Variants in SPTB observed in about 807,000 individuals in gnomAD.
The protein encoded by SPTB is spectrin beta chain, erythrocytic.
SPTB carries 45 observed loss-of-function variants against 256.2 expected under a neutral mutation model. The ratio of observed to expected loss-of-function variants is 0.18; its 90% CI spans 0.14 to 0.23. The LOEUF (loss-of-function observed/expected upper bound fraction) is 0.23. Ranked by LOEUF, SPTB falls within the 10% of genes least tolerant of loss-of-function variation. SPTB has a pLI of 1.00. For missense variants in SPTB, 2,715 were observed against 3,040.4 expected (o/e 0.89, Z 2.52); for synonymous variants, 1,231 against 1,243.1 (o/e 0.99, Z 0.21).
At chr14:64,865,762 T>C (rs2139812188) in intron 1 of SPTB, among the ~76,000 whole-genome samples, 1 of 152,316 alleles carries the variant, frequency 6.6e-6, no homozygotes, top group Non-Finnish European at 1.5e-5. Context: ...CTCACGGGTA[T>C]AGGTCTCTGC....
rs373540763 is a variant in SPTB, at chr14:64,753,614, A to G, written c.6525T>C (p.His2175=). ...EPATLPAPRD[H]GQSVQMEGYL... ...AGCCTTCCATCTGCACACTCTGCCC[A>G]TGGTCCCGCGGGGCCGGCAGCGTTG... The change falls in exon 33 of 36, where the codon CAT becomes CAC. Residue 2175 remains histidine, a synonymous_variant. Coordinates refer to ENST00000644917, the MANE Select transcript of SPTB (RefSeq NM_001355436.2). 7 of 1,613,590 alleles carry G rather than the reference A, an allele frequency of 4.3e-6. No homozygotes were observed. The South Asian group carries it at 5.5e-5, about 13-fold the overall frequency.
rs2083652895 is a variant in SPTB at position 64,844,238 on chromosome 14, A to G, written c.-51-21093T>C. 6.6e-6 allele frequency among the ~76,000 whole-genome samples: 1 copy of G among 152,196 alleles called. No homozygotes were observed. The highest frequency in any genetic ancestry group is 2.4e-5 in the African/African-American group (1 of 41,440). On this transcript the variant is annotated intron_variant, in intron 1 of 35. Transcript: ENST00000644917. This position sits in a 1 kb window ranked among gnomAD's most constrained non-coding sequence, Gnocchi z 4.1. ...GAAAGCCCAGCCTGTCTTTATTATT[A>G]TAGTTACCCTTGACTGCCAGCAAAT...
At chr14:64,811,794 T>C (rs1262079371) in intron 2 of SPTB, among the ~76,000 whole-genome samples, 1 of 152,238 alleles carries the variant, frequency 6.6e-6, no homozygotes, top group Admixed American at 6.5e-5. Flanking sequence ...ATGTTTCACT[T>C]ATCAGTTGGG....
At chr14:64,791,368 C>A (rs1190447321) in intron 15 of SPTB, among the ~76,000 whole-genome samples, 1 of 151,962 alleles carries the variant, frequency 6.6e-6, no homozygotes, top group Non-Finnish European at 1.5e-5. Context: ...AGGAATGAGA[C>A]CAGCCTGGCC....
intron 1 of SPTB, among the ~76,000 whole-genome samples, chr14:64,857,577 CAAAAAAAAAAA>C (rs34021718): frequency 4.9e-5 from 3 of 61,354 alleles, no homozygotes; most frequent in South Asian, 1.5e-3. Flanking sequence ...GACACTGCCT[CAAAAAAAAAAA>C]AAAAAAAAAA....
At position 64,782,440 on chromosome 14, in the gene SPTB, G is replaced by A. The variant is rs1302831915; in HGVS notation, c.4116C>T (p.Thr1372=). ...DELQATTKEK[T]QHLSAARSSD... ...AGCTCCTGGCAGCCGAGAGGTGCTGGGTCTTCTCCTTTGTGGTGGCCTGCA... is the reference window on the plus strand; with the variant it reads ...AGCTCCTGGCAGCCGAGAGGTGCTGAGTCTTCTCCTTTGTGGTGGCCTGCA... Residue 1372 remains threonine (T), a synonymous_variant, in exon 20 of 36, where the codon ACC becomes ACT. Transcript: ENST00000644917. 6.2e-7 allele frequency: 1 copy of A among 1,614,142 alleles called. No homozygotes were observed. Among genetic ancestry groups the A allele is most frequent in the Admixed American group, 1.7e-5 (1 of 60,030 alleles).
intron 33 of SPTB, among the ~76,000 whole-genome samples, chr14:64,752,684 T>A (rs1487924948): frequency 1.3e-5 from 2 of 152,212 alleles, no homozygotes; most frequent in Non-Finnish European, 1.5e-5. Context: ...GACTCTCCAT[T>A]TAAGCAATAA....
intron 32 of SPTB, among the ~76,000 whole-genome samples, chr14:64,766,151 GGTGT>G (rs550764836): frequency 1.3e-5 from 2 of 149,850 alleles, no homozygotes; most frequent in African/African-American, 2.5e-5. Flanking sequence ...GGGTGGGTGT[GGTGT>G]GTTTGTGTGT....
Position 64,765,968 on chromosome 14 carries a change from GGGGTGTGGTGTGTGCATGTGGAT to G in SPTB, c.6345+735_6345+757del, listed in dbSNP as rs1205565648. Among the ~76,000 whole-genome samples the G allele has an allele frequency of 1.1e-4, 16 of 151,332 alleles. No homozygotes were observed. The South Asian group carries it at 1.5e-3, about 14-fold the overall frequency. On this transcript the variant is annotated intron_variant, in intron 32 of 35. Coordinates refer to ENST00000644917, the MANE Select transcript of SPTB (RefSeq NM_001355436.2). The stretch of plus-strand genomic sequence containing the variant: ...TGTGAGTGTGTGGATGTGTGTGTAT[GGGGTGTGGTGTGTGCATGTGGAT>G]GGGTGTGGTGTGTGCATATTTGTGT...
intron 1 of SPTB, among the ~76,000 whole-genome samples, chr14:64,842,972 T>A: frequency 6.6e-6 from 1 of 151,350 alleles, no homozygotes; most frequent in East Asian, 1.9e-4. Flanking sequence ...GAGGCTGGGG[T>A]GGGAGGATCA....
At chr14:64,763,213 G>A (rs998953476) in intron 32 of SPTB, among the ~76,000 whole-genome samples, 1 of 152,224 alleles carries the variant, frequency 6.6e-6, no homozygotes, top group African/African-American at 2.4e-5. Context: ...TGCTCAGCAG[G>A]ACCCCCAAGT....
chr14:64,849,457 A>G (rs1021302630), intron 1 of SPTB, among the ~76,000 whole-genome samples: 1 of 152,356 alleles, frequency 6.6e-6, no homozygotes, highest in Non-Finnish European at 1.5e-5. Context: ...TCAAGAAAAG[A>G]TAGGGACAAT....
chr14:64,754,095 G>T (rs984299828), intron 32 of SPTB: 2 of 513,274 alleles, frequency 3.9e-6, no homozygotes, highest in African/African-American at 3.8e-5. Context: ...GAGCCAAAGG[G>T]GCCTGAGTGA....
chr14:64,783,755 T>C (rs1314912058), intron 19 of SPTB, among the ~76,000 whole-genome samples: 1 of 152,154 alleles, frequency 6.6e-6, no homozygotes, highest in Non-Finnish European at 1.5e-5. Context: ...CATTTGGACT[T>C]GTCCACTGGG....
intron 1 of SPTB, among the ~76,000 whole-genome samples, chr14:64,835,768 T>C (rs965916623): frequency 1.1e-4 from 16 of 152,334 alleles, no homozygotes; most frequent in Admixed American, 2.6e-4. Context: ...AAGGCCTTTA[T>C]GTATATTGTT....
chr14:64,803,093 C>T (rs779894159), intron 4 of SPTB, among the ~76,000 whole-genome samples: 1 of 152,182 alleles, frequency 6.6e-6, no homozygotes, highest in Non-Finnish European at 1.5e-5. Flanking sequence ...CCTGCCCTCA[C>T]CTCCTTGGGC....
chr14:64,772,759 G>C lies in SPTB; in HGVS notation c.5374C>G (p.Leu1792Val), dbSNP rs2082297315. Residue 1792 changes from leucine (L) to valine (V), a missense_variant, in exon 26 of 36, where the codon CTG becomes GTG. Physicochemically the swap from Leu to Val is conservative, Grantham distance 32. Coordinates refer to ENST00000644917, the MANE Select transcript of SPTB (RefSeq NM_001355436.2). This position sits in a 1 kb window ranked among gnomAD's most constrained non-coding sequence, Gnocchi z 5.4. ...TGCAGGTCATAGGAGGCGGCCAGCA[G>C]CTGCATGCGCGTGTCAATGAGCTCC... ...LLELIDTRMQ[L>V]LAASYDLHRY... is the part of the protein sequence containing the mutation. 1 of 1,613,978 alleles carries C rather than the reference G, an allele frequency of 6.2e-7. No individual in the cohort carries two copies. The highest frequency in any genetic ancestry group is 8.5e-7 in the Non-Finnish European group (1 of 1,180,036).
rs1882163966 is a variant in SPTB, at chr14:64,866,057, T to C, written c.-52+13735A>G. On this transcript the variant is annotated intron_variant, in intron 1 of 35. Coordinates refer to ENST00000644917, the MANE Select transcript of SPTB (RefSeq NM_001355436.2). This position sits in a 1 kb window ranked among gnomAD's most constrained non-coding sequence, Gnocchi z 4.6. ...TAAATGAGAAAAACAGAGACCATGG[T>C]GTGGCTAAAATACCACAAAGTAAAA... 2.0e-5 allele frequency among the ~76,000 whole-genome samples: 3 copies of C among 152,206 alleles called. No homozygotes were observed. The highest frequency in any genetic ancestry group is 6.5e-5 in the Admixed American group (1 of 15,276).
Position 64,751,944 on chromosome 14 carries a change from AT to A in SPTB, c.6602+1592del, listed in dbSNP as rs35782446. On this transcript the variant is annotated intron_variant, in intron 33 of 35. Coordinates refer to ENST00000644917, the MANE Select transcript of SPTB (RefSeq NM_001355436.2). Reference sequence around the variant, plus strand: ...TAAAAATGCAAAAAAAAAAAAAAAAATTAGCCAGGCGTGGTGGCACGTGCCT... The same window carrying A: ...TAAAAATGCAAAAAAAAAAAAAAAAATAGCCAGGCGTGGTGGCACGTGCCT... Among the ~76,000 whole-genome samples, 41 of 132,514 alleles carry A rather than the reference AT, an allele frequency of 3.1e-4. 5 individuals carry two copies. The highest frequency in any genetic ancestry group is 1.2e-3 in the South Asian group (5 of 4,320). The allele number at this position is 132,514 out of a possible 152,430, so 86.9% of individuals were successfully genotyped here.
Sources: gnomAD v4.1 joint callset for allele counts (sites outside exome capture counted in the v4.1 genomes callset) on GRCh38, gnomAD v4.1.1 for gene constraint, Gnocchi (gnomAD v3.1) non-coding constraint, MANE v1.5 for transcripts, NCBI Gene and HGNC (gene_info 2026-07-23, HGNC 2026-07-21) for gene names.